SLC2A11: variants seen among roughly 807,000 people sequenced by gnomAD.
The protein encoded by SLC2A11 is solute carrier family 2 member 11, also known as solute carrier family 2, facilitated glucose transporter member 11.
In SLC2A11, 43 loss-of-function variants were observed where a neutral mutation model predicts 52.1. The observed-to-expected ratio is 0.82, with a 90% CI of 0.65 to 1.06. The LOEUF (loss-of-function observed/expected upper bound fraction) is 1.06. Ranked by LOEUF, SLC2A11 falls within the 50% of genes least tolerant of loss-of-function variation. The pLI is 0.00. For missense variants in SLC2A11, 582 were observed against 654.2 expected (o/e 0.89, Z 1.20); for synonymous variants, 261 against 277.6 (o/e 0.94, Z 0.59).
At chr22:23,863,870 G>A (rs1170820999) in intron 2 of SLC2A11, among the ~76,000 whole-genome samples, 2 of 151,744 alleles carry the variant, frequency 1.3e-5, no homozygotes, top group Non-Finnish European at 2.9e-5. Flanking sequence ...AGCTGAAGTG[G>A]TCCGCCCACC....
At position 23,877,809 on chromosome 22, in the gene SLC2A11, C is replaced by T. The variant is rs780410973; in HGVS notation, c.634C>T (p.Leu212Phe). Residue 212 changes from leucine to phenylalanine, a missense_variant, in exon 6 of 12, where the codon CTC becomes TTC. Coordinates refer to ENST00000316185, the MANE Select transcript of SLC2A11 (RefSeq NM_001024939.4). Reference protein sequence around the residue: ...GALQLASLPLLPESPRYLLID... With the variant: ...GALQLASLPLFPESPRYLLID... ...GCTCCAGCTCGCCTCCCTGCCTCTG[C>T]TCCCTGAAAGCCCGCGCTACCTCCT... The T allele has an allele frequency of 6.2e-6, 10 of 1,613,094 alleles. No homozygotes were observed. Among genetic ancestry groups the T allele is most frequent in the Non-Finnish European group, 8.5e-7 (1 of 1,179,696 alleles).
chr22:23,857,578 C>CCG (rs1555884635), upstream of SLC2A11: 1 of 922,758 alleles, frequency 1.1e-6, no homozygotes, highest in East Asian at 3.7e-5. Flanking sequence ...TGACCCCAAA[C>CCG]CCCCCCCCCG....
chr22:23,883,711 C>A, intron 8 of SLC2A11, 61 bp from the exon 9 acceptor site: 1 of 1,384,058 alleles, frequency 7.2e-7, no homozygotes, highest in Non-Finnish European at 9.6e-7. Context: ...CTTCCCATTG[C>A]CTGCCCCAGA....
At chr22:23,875,068 G>C (rs200061784) in intron 3 of SLC2A11, 49 bp from the exon 4 acceptor site, 1 of 1,485,632 alleles carries the variant, frequency 6.7e-7, no homozygotes, top group Non-Finnish European at 9.0e-7. Flanking sequence ...GGATGGTCCC[G>C]CTGGACTGAA....
In SLC2A11 at chr22:23,884,054, C is replaced by T. The variant is rs751154078; in HGVS notation, c.1171+30C>T. 5.6e-6 allele frequency: 9 copies of T among 1,605,590 alleles called. No individual in the cohort carries two copies. The highest frequency in any genetic ancestry group is 5.3e-5 in the Admixed American group (3 of 57,122). On this transcript the variant is annotated intron_variant, in intron 10 of 11. Transcript: ENST00000316185. This position sits in a 1 kb window ranked among gnomAD's most constrained non-coding sequence, Gnocchi z 4.3. ...GTGGGCCCAAGGGGCTCTGGGCATC[C>T]ATCATCACATAGAAGGAGTGATGGG...
chr22:23,866,183 G>A (rs5751756), intron 2 of SLC2A11: 57,728 of 115,562 alleles, frequency 0.5, 11,579 homozygotes, highest in African/African-American at 0.58. Context: ...AAAAAAAAAA[G>A]AAAGAAAAAA....
At position 23,862,073 on chromosome 22, in the gene SLC2A11, G is replaced by A. The variant is rs758012270; in HGVS notation, c.31-31G>A. Reference sequence around the variant, plus strand: ...CAGGGAGGGGGTGGAGGCTGTTGTTGGTCACTCTGTGTTCTCTCCTCTCTC... The same window carrying A: ...CAGGGAGGGGGTGGAGGCTGTTGTTAGTCACTCTGTGTTCTCTCCTCTCTC... On this transcript the variant is annotated intron_variant, in intron 1 of 11. Transcript: ENST00000316185. 3 of 1,589,074 alleles carry A rather than the reference G, an allele frequency of 1.9e-6. No homozygotes were observed. The South Asian group carries it at 3.3e-5, about 18-fold the overall frequency.
At chr22:23,868,664 CT>C in intron 3 of SLC2A11, 23 bp downstream of exon 3, 2 of 1,613,194 alleles carry the variant, frequency 1.2e-6, no homozygotes, top group South Asian at 1.1e-5. Context: ...TGCATACCCC[CT>C]GAATGCCCTT....
intron 2 of SLC2A11, among the ~76,000 whole-genome samples, chr22:23,864,935 C>G (rs912276129): frequency 6.6e-6 from 1 of 151,560 alleles, no homozygotes; most frequent in Non-Finnish European, 1.5e-5. Context: ...TGATTAAACC[C>G]TGTCTCCACT....
At chr22:23,857,865 G>A (rs757953846), upstream of SLC2A11, 4 of 1,531,530 alleles carry the variant, frequency 2.6e-6, no homozygotes, top group Admixed American at 2.0e-5. Flanking sequence ...CACTGCGCGT[G>A]CGCTAGCGCC....
upstream of SLC2A11, chr22:23,857,035 G>A (rs1166192570): frequency 6.5e-7 from 1 of 1,532,502 alleles, no homozygotes; most frequent in Admixed American, 1.9e-5. Flanking sequence ...CGTCCTCTGG[G>A]GAAAGGTCGG....
At chr22:23,870,142 T>C in intron 3 of SLC2A11, 1 of 672,992 alleles carries the variant, frequency 1.5e-6, no homozygotes, top group South Asian at 1.7e-5. Flanking sequence ...ATCTGCACCG[T>C]GGGGAGTAGG....
chr22:23,880,594 C>G (rs892330860), intron 6 of SLC2A11: 1 of 152,254 alleles, frequency 6.6e-6, no homozygotes, highest in East Asian at 1.9e-4. Flanking sequence ...AAGCTATACC[C>G]TTGATTTGAT....
At chr22:23,877,523 A>T in intron 5 of SLC2A11, 198 bp from the exon 6 acceptor site, 1 of 788,760 alleles carries the variant, frequency 1.3e-6, no homozygotes, top group Non-Finnish European at 2.2e-6. Flanking sequence ...GCTAGGGATG[A>T]GGTGGGGCAG....
chr22:23,868,778 C>T (rs2032356554), intron 3 of SLC2A11, 137 bp downstream of exon 3: 2 of 1,029,342 alleles, frequency 1.9e-6, no homozygotes, highest in East Asian at 2.6e-5. Flanking sequence ...TCTTACTCTG[C>T]CTGGAGTTTC....
chr22:23,863,201 C>A (rs985178433), intron 2 of SLC2A11, among the ~76,000 whole-genome samples: 46 of 152,124 alleles, frequency 3.0e-4, no homozygotes, highest in African/African-American at 1.1e-3. Context: ...CCTCTCTCTT[C>A]CACCTGTAGA....
chr22:23,882,789 A>G lies in SLC2A11; in HGVS notation c.913A>G (p.Lys305Glu), dbSNP rs575575339. The change falls in exon 8 of 12, where the codon AAG becomes GAG. Residue 305 changes from lysine to glutamate, a missense_variant. By Grantham distance (56) the Lys-to-Glu change is moderately conservative (BLOSUM62 1). Coordinates refer to ENST00000316185, the MANE Select transcript of SLC2A11 (RefSeq NM_001024939.4). ...CGCCTACGCCTCCTCCGTGTTCCGGAAGGCAGGAGTGCCGGAAGCGAAGAT... is the reference window on the plus strand; with the variant it reads ...CGCCTACGCCTCCTCCGTGTTCCGGGAGGCAGGAGTGCCGGAAGCGAAGAT... ...VYAYASSVFR[K>E]AGVPEAKIQY... 6.2e-7 allele frequency: 1 copy of G among 1,613,766 alleles called. No individual in the cohort carries two copies. Among genetic ancestry groups the G allele is most frequent in the Non-Finnish European group, 8.5e-7 (1 of 1,179,846 alleles).
chr22:23,865,142 C>T (rs935929689), intron 2 of SLC2A11: 3 of 140,728 alleles, frequency 2.1e-5, no homozygotes, highest in South Asian at 2.3e-4. Flanking sequence ...CAAAACTGGG[C>T]GCAGTGGCTC....
At position 23,868,511 on chromosome 22, in the gene SLC2A11, C is replaced by G; in HGVS notation, c.160C>G (p.Gln54Glu). Reference sequence around the variant, plus strand: ...TCAGGAATTCACCAATGAGACATGGCAGGCGCGTACTGGAGAGCCACTGCC... The same window carrying G: ...TCAGGAATTCACCAATGAGACATGGGAGGCGCGTACTGGAGAGCCACTGCC... The part of the protein sequence containing the change: ...HIQEFTNETW[Q>E]ARTGEPLPDH... The change falls in exon 3 of 12, where the codon CAG becomes GAG. Residue 54 changes from glutamine to glutamate, a missense_variant. Coordinates refer to ENST00000316185, the MANE Select transcript of SLC2A11 (RefSeq NM_001024939.4). 6.2e-7 allele frequency: 1 copy of G among 1,614,210 alleles called. No individual in the cohort carries two copies. The highest frequency in any genetic ancestry group is 8.5e-7 in the Non-Finnish European group (1 of 1,180,036).
Sources: gnomAD v4.1 joint callset for allele counts (sites outside exome capture counted in the v4.1 genomes callset) on GRCh38, gnomAD v4.1.1 for gene constraint, Gnocchi (gnomAD v3.1) non-coding constraint, MANE v1.5 for transcripts, NCBI Gene and HGNC (gene_info 2026-07-23, HGNC 2026-07-21) for gene names.